ASIC2: variants seen among roughly 807,000 people sequenced by gnomAD.
The protein encoded by ASIC2 is acid-sensing ion channel 2.
In ASIC2, 25 loss-of-function variants were observed where a neutral mutation model predicts 57.3. The observed-to-expected ratio is 0.44, with a 90% CI of 0.32 to 0.61. The LOEUF (loss-of-function observed/expected upper bound fraction) is 0.61, where lower values mean the gene tolerates loss of function less well. Ranked by LOEUF, ASIC2 falls within the 20% of genes least tolerant of loss-of-function variation. ASIC2 has a pLI of 0.06. For synonymous variants in ASIC2, 319 were observed against 307.5 expected (o/e 1.04, Z -0.39); for missense variants, 641 against 738.1 (o/e 0.87, Z 1.52).
intron 1 of ASIC2, among the ~76,000 whole-genome samples, chr17:33,756,571 G>T (rs951065761): frequency 1.3e-5 from 2 of 152,220 alleles, no homozygotes; most frequent in Admixed American, 6.5e-5. Context: ...ACTCACAAGA[G>T]CCAGGGCTTA....
At chr17:33,203,779 T>C (rs941255206) in intron 1 of ASIC2, among the ~76,000 whole-genome samples, 1 of 152,214 alleles carries the variant, frequency 6.6e-6, no homozygotes, top group Non-Finnish European at 1.5e-5. Context: ...GGATCCTGGC[T>C]GCGGGTGGCT....
At chr17:33,544,235 G>T (rs9915789) in intron 1 of ASIC2, among the ~76,000 whole-genome samples, 28,588 of 152,122 alleles carry the variant, frequency 0.19, 2,759 homozygotes, top group South Asian at 0.32. Flanking sequence ...TCAGTGCTGA[G>T]TAGTAGACCA....
At chr17:33,499,991 G>T (rs1337882745) in intron 1 of ASIC2, among the ~76,000 whole-genome samples, 1 of 151,848 alleles carries the variant, frequency 6.6e-6, no homozygotes, top group Non-Finnish European at 1.5e-5. Flanking sequence ...AGCCAGTTTG[G>T]GTAAGTTTTC....
chr17:33,630,710 C>T (rs1482285988), intron 1 of ASIC2, among the ~76,000 whole-genome samples: 1 of 152,182 alleles, frequency 6.6e-6, no homozygotes, highest in East Asian at 1.9e-4. Context: ...TAGTACTTCC[C>T]TTACTGGGTT....
At chr17:33,209,486 T>A (rs1452235827) in intron 1 of ASIC2, among the ~76,000 whole-genome samples, 2 of 152,220 alleles carry the variant, frequency 1.3e-5, no homozygotes, top group Non-Finnish European at 2.9e-5. Flanking sequence ...GGGACAGTCC[T>A]GTGCATTTTA....
chr17:33,899,022 A>G (rs1210321703), intron 1 of ASIC2, among the ~76,000 whole-genome samples: 1 of 152,050 alleles, frequency 6.6e-6, no homozygotes, highest in Non-Finnish European at 1.5e-5. Context: ...AAGATCCTCA[A>G]GTTTGAAGAA....
chr17:34,020,006 G>A (rs143237350), intron 1 of ASIC2, among the ~76,000 whole-genome samples: 298 of 152,238 alleles, frequency 2.0e-3, no homozygotes, highest in African/African-American at 6.6e-3. Flanking sequence ...CCTAGACTCC[G>A]GAAGCATTAC....
intron 1 of ASIC2, chr17:33,834,256 A>T (rs1913202228): frequency 6.6e-6 from 1 of 152,420 alleles, no homozygotes; most frequent in South Asian, 2.1e-4. Context: ...GGTAGGGGGA[A>T]CTTCATAGCA....
chr17:34,066,972 A>G (rs1598003947), intron 1 of ASIC2, among the ~76,000 whole-genome samples: 2 of 152,336 alleles, frequency 1.3e-5, no homozygotes, highest in East Asian at 3.9e-4. Context: ...TGAGAGAACT[A>G]AAGTGACGGC....
chr17:33,714,684 G>A (rs573979183), intron 1 of ASIC2, among the ~76,000 whole-genome samples: 2 of 152,108 alleles, frequency 1.3e-5, no homozygotes, highest in South Asian at 4.2e-4. Context: ...AGACTGAAGG[G>A]GAGAACAAGG....
chr17:33,524,589 G>A (rs1914834074), intron 1 of ASIC2, among the ~76,000 whole-genome samples: 1 of 152,152 alleles, frequency 6.6e-6, no homozygotes, highest in Non-Finnish European at 1.5e-5. Context: ...CTTGTTAGGT[G>A]TATATGCATA....
At chr17:33,852,993 C>G (rs768176136) in intron 1 of ASIC2, among the ~76,000 whole-genome samples, 7 of 152,100 alleles carry the variant, frequency 4.6e-5, no homozygotes, top group Non-Finnish European at 7.3e-5. Context: ...CCTTTCCCCC[C>G]CGTCATAGAC....
chr17:33,304,413 G>T (rs1050720256), intron 1 of ASIC2, among the ~76,000 whole-genome samples: 2 of 152,232 alleles, frequency 1.3e-5, no homozygotes, highest in African/African-American at 4.8e-5. Flanking sequence ...GTTAGGAAAG[G>T]TACTTTGGAA....
intron 1 of ASIC2, among the ~76,000 whole-genome samples, chr17:33,439,110 C>T (rs1911733799): frequency 6.6e-6 from 1 of 152,172 alleles, no homozygotes; most frequent in Non-Finnish European, 1.5e-5. Flanking sequence ...TCCCAAAGTG[C>T]TGGGATTCCA....
chr17:33,014,949 T>C (rs564061069), intron 9 of ASIC2, among the ~76,000 whole-genome samples: 30 of 152,254 alleles, frequency 2.0e-4, no homozygotes, highest in African/African-American at 5.3e-4. Context: ...AGGTTTAATA[T>C]GTAACTTGCC....
At chr17:33,582,054 C>T (rs1378369216) in intron 1 of ASIC2, among the ~76,000 whole-genome samples, 1 of 152,182 alleles carries the variant, frequency 6.6e-6, no homozygotes, top group African/African-American at 2.4e-5. Flanking sequence ...CCTCCAGACC[C>T]TTATTCTCCT....
In ASIC2 at chr17:33,457,658, G is replaced by A. The variant is rs1233404773; in HGVS notation, c.556-345591C>T. The stretch of plus-strand genomic sequence containing the variant: ...TGCTGCTGCTGCTGATGATGATGAT[G>A]GCAATGGTGGTGGTGGTGACGTCAA... On this transcript the variant is annotated intron_variant, in intron 1 of 9. Transcript: ENST00000359872. 2.0e-5 allele frequency among the ~76,000 whole-genome samples: 3 copies of A among 152,136 alleles called. No individual in the cohort carries two copies. In the East Asian group the frequency reaches 5.8e-4, roughly 29 times the overall value.
intron 1 of ASIC2, among the ~76,000 whole-genome samples, chr17:33,274,396 C>A (rs1874602): frequency 0.012 from 1,816 of 152,324 alleles, 49 homozygotes; most frequent in East Asian, 0.092. Flanking sequence ...GAAGTGAAGT[C>A]TCCTGTCTCC....
At chr17:33,633,158 A>G (rs1342174442) in intron 1 of ASIC2, among the ~76,000 whole-genome samples, 1 of 152,090 alleles carries the variant, frequency 6.6e-6, no homozygotes, top group Non-Finnish European at 1.5e-5. Context: ...GAGTCATCTG[A>G]GAGAGTGTTA....
Sources: allele counts gnomAD v4.1 joint callset (sites outside exome capture counted in the v4.1 genomes callset), GRCh38; gene constraint gnomAD v4.1.1; transcripts MANE v1.5; gene names NCBI Gene and HGNC (gene_info 2026-07-23, HGNC 2026-07-21).